Variants in TMC1 observed in about 807,000 individuals in gnomAD.
TMC1 encodes transmembrane channel like 1, also known as transmembrane channel-like protein 1.
A neutral mutation model predicts 105.8 loss-of-function variants in TMC1; 84 were observed. The ratio of observed to expected loss-of-function variants is 0.79; its 90% CI spans 0.67 to 0.95. The LOEUF (loss-of-function observed/expected upper bound fraction) is 0.95. TMC1 is among the 40% of genes least tolerant of loss of function. TMC1 has a pLI of 0.00. For missense variants in TMC1, 817 were observed against 914.1 expected (o/e 0.89, Z 1.37); for synonymous variants, 315 against 311.5 (o/e 1.01, Z -0.12).
intron 1 of TMC1, among the ~76,000 whole-genome samples, chr9:72,525,403 G>A (rs1007304065): frequency 1.3e-5 from 2 of 152,164 alleles, no homozygotes; most frequent in Admixed American, 1.3e-4. Context: ...ATTACCTCAG[G>A]GCAGTTGTAA....
intron 8 of TMC1, among the ~76,000 whole-genome samples, chr9:72,724,092 C>A (rs911343948): frequency 2.0e-5 from 3 of 152,136 alleles, no homozygotes; most frequent in African/African-American, 7.2e-5. Flanking sequence ...TTCCAATATT[C>A]TTGGCAATCT....
At chr9:72,557,541 TA>T (rs923475501) in intron 1 of TMC1, among the ~76,000 whole-genome samples, 8 of 151,758 alleles carry the variant, frequency 5.3e-5, no homozygotes, top group African/African-American at 1.9e-4. Flanking sequence ...CAACAACTGT[TA>T]AAAAAAAATT....
intron 8 of TMC1, among the ~76,000 whole-genome samples, chr9:72,736,755 G>A (rs1020637231): frequency 1.3e-5 from 2 of 152,050 alleles, no homozygotes; most frequent in Admixed American, 1.3e-4. Flanking sequence ...AATAACTGAA[G>A]TATAGTAAAT....
At chr9:72,677,736 T>C (rs1361950418) in intron 5 of TMC1, among the ~76,000 whole-genome samples, 2 of 152,032 alleles carry the variant, frequency 1.3e-5, no homozygotes, top group African/African-American at 4.8e-5. Flanking sequence ...TTTGACAATA[T>C]GATTTTCTCT....
At chr9:72,598,616 G>T (rs74787694) in intron 2 of TMC1, among the ~76,000 whole-genome samples, 2,450 of 152,208 alleles carry the variant, frequency 0.016, 28 homozygotes, top group Non-Finnish European at 0.025. Context: ...CAAGGTTGAG[G>T]GCCTGGTCTT....
intron 17 of TMC1, 189 bp from the exon 18 acceptor site, chr9:72,805,190 AATT>A (rs1433188730): frequency 1.5e-5 from 7 of 469,558 alleles, no homozygotes; most frequent in African/African-American, 1.4e-4. Context: ...AACGGGAAAT[AATT>A]ATTTTTTAAG....
chr9:72,554,488 T>C (rs976852216), intron 1 of TMC1, among the ~76,000 whole-genome samples: 1 of 152,192 alleles, frequency 6.6e-6, no homozygotes, highest in Non-Finnish European at 1.5e-5. Flanking sequence ...AAACTATGTG[T>C]TTTTTTCTTG....
At chr9:72,701,108 G>T (rs1826638181) in intron 8 of TMC1, among the ~76,000 whole-genome samples, 1 of 152,154 alleles carries the variant, frequency 6.6e-6, no homozygotes, top group South Asian at 2.1e-4. Context: ...AGTTTGTGTG[G>T]ATTGTGCACT....
intron 2 of TMC1, among the ~76,000 whole-genome samples, chr9:72,615,898 G>A (rs542599388): frequency 2.4e-4 from 36 of 151,902 alleles, no homozygotes; most frequent in African/African-American, 6.0e-4. Context: ...GGCTACAGGC[G>A]TCCGTCACCA....
chr9:72,825,954 C>A (rs1828946046), intron 20 of TMC1, among the ~76,000 whole-genome samples: 1 of 151,970 alleles, frequency 6.6e-6, no homozygotes, highest in African/African-American at 2.4e-5. Context: ...GAGAAAAAAA[C>A]CATAATCTGG....
intron 17 of TMC1, among the ~76,000 whole-genome samples, chr9:72,793,242 C>T (rs904805963): frequency 6.6e-6 from 1 of 152,136 alleles, no homozygotes; most frequent in East Asian, 1.9e-4. Flanking sequence ...CCAACCACAC[C>T]CCTTAGAAAA....
intron 8 of TMC1, among the ~76,000 whole-genome samples, chr9:72,711,036 TGTTA>T (rs1407130767): frequency 6.6e-6 from 1 of 152,186 alleles, no homozygotes; most frequent in African/African-American, 2.4e-5. Context: ...TCTGTTCTTG[TGTTA>T]GTTTGCTGAG....
At chr9:72,734,336 A>C (rs1430592324) in intron 8 of TMC1, among the ~76,000 whole-genome samples, 1 of 152,228 alleles carries the variant, frequency 6.6e-6, no homozygotes, top group South Asian at 2.1e-4. Flanking sequence ...AACACATTAC[A>C]TACATTATTT....
intron 8 of TMC1, among the ~76,000 whole-genome samples, chr9:72,725,858 T>C (rs533967785): frequency 6.6e-6 from 1 of 152,006 alleles, no homozygotes; most frequent in East Asian, 1.9e-4. Flanking sequence ...GCCCGGCTAA[T>C]TTTTTGTATT....
intron 1 of TMC1, among the ~76,000 whole-genome samples, chr9:72,535,926 A>G (rs1823574520): frequency 6.6e-6 from 1 of 152,102 alleles, no homozygotes; most frequent in African/African-American, 2.4e-5. Context: ...TTCGTGAATG[A>G]TTCTCCCCCA....
chr9:72,549,653 C>T (rs183898443), intron 1 of TMC1, among the ~76,000 whole-genome samples: 1 of 149,428 alleles, frequency 6.7e-6, no homozygotes, highest in East Asian at 2.0e-4. Context: ...CTCTGTTGCC[C>T]GAGCTGGATT....
At chr9:72,618,299 A>G (rs1825175923) in intron 3 of TMC1, among the ~76,000 whole-genome samples, 1 of 152,116 alleles carries the variant, frequency 6.6e-6, no homozygotes, top group African/African-American at 2.4e-5. Flanking sequence ...CTGGGATTAT[A>G]GGTGTGAACT....
At chr9:72,675,612 T>TA (rs1473381933) in intron 5 of TMC1, among the ~76,000 whole-genome samples, 1 of 152,130 alleles carries the variant, frequency 6.6e-6, no homozygotes, top group East Asian at 1.9e-4. Flanking sequence ...ATGTAATAGT[T>TA]ACAATTACAG....
intron 5 of TMC1, among the ~76,000 whole-genome samples, chr9:72,680,475 G>C (rs1384476867): frequency 6.6e-6 from 1 of 151,662 alleles, no homozygotes; most frequent in Non-Finnish European, 1.5e-5. Context: ...CAGCTAAAAA[G>C]CAGAAAAAAA....
Sources: gnomAD v4.1 joint callset for allele counts (sites outside exome capture counted in the v4.1 genomes callset) on GRCh38, gnomAD v4.1.1 for gene constraint, MANE v1.5 for transcripts, NCBI Gene and HGNC (gene_info 2026-07-23, HGNC 2026-07-21) for gene names.